AUTS2: variants seen among roughly 807,000 people sequenced by gnomAD.
AUTS2 encodes the protein activator of transcription and developmental regulator AUTS2, also known as autism susceptibility gene 2 protein.
AUTS2 carries 17 observed loss-of-function variants against 112.4 expected under a neutral mutation model. The observed-to-expected ratio is 0.15, with a 90% CI of 0.10 to 0.23. The LOEUF (loss-of-function observed/expected upper bound fraction) is 0.23. Ranked by LOEUF, AUTS2 falls within the 10% of genes least tolerant of loss-of-function variation. The pLI is 1.00. For synonymous variants in AUTS2, 751 were observed against 702.7 expected (o/e 1.07, Z -1.09); for missense variants, 1,510 against 1,701.6 (o/e 0.89, Z 1.98).
chr7:70,755,563 A>C (rs1789145340), intron 6 of AUTS2, among the ~76,000 whole-genome samples: 1 of 152,024 alleles, frequency 6.6e-6, no homozygotes, highest in South Asian at 2.1e-4. Flanking sequence ...GCTACTCGGA[A>C]GGTTGTCAGA....
At chr7:70,674,961 A>G (rs1475411108) in intron 5 of AUTS2, among the ~76,000 whole-genome samples, 1 of 152,198 alleles carries the variant, frequency 6.6e-6, no homozygotes, top group African/African-American at 2.4e-5. Flanking sequence ...TACAAGTGAC[A>G]TAGTAAGAGC....
intron 4 of AUTS2, among the ~76,000 whole-genome samples, chr7:70,176,366 C>T (rs1325468290): frequency 1.3e-5 from 2 of 152,172 alleles, no homozygotes; most frequent in Non-Finnish European, 2.9e-5. Context: ...GAATCAGGAG[C>T]AGGATGTCTG....
chr7:70,762,761 C>A, intron 6 of AUTS2, 109 bp from the exon 7 acceptor site: 1 of 836,194 alleles, frequency 1.2e-6, no homozygotes, highest in Non-Finnish European at 2.0e-6. Flanking sequence ...AGGGTTGGTG[C>A]CAGGTCCTGT....
chr7:69,715,530 A>G (rs949396382), intron 1 of AUTS2, among the ~76,000 whole-genome samples: 2 of 152,148 alleles, frequency 1.3e-5, no homozygotes, highest in African/African-American at 2.4e-5. Flanking sequence ...GGAGGATCAT[A>G]TGCTCAGTGA....
intron 2 of AUTS2, among the ~76,000 whole-genome samples, chr7:70,110,487 G>A (rs1805013871): frequency 6.6e-6 from 1 of 152,174 alleles, no homozygotes; most frequent in East Asian, 1.9e-4. Context: ...TTGGACTCCA[G>A]CTTGGGCACC....
At chr7:70,009,461 T>C (rs1250492505) in intron 2 of AUTS2, among the ~76,000 whole-genome samples, 4 of 152,178 alleles carry the variant, frequency 2.6e-5, no homozygotes, top group Non-Finnish European at 4.4e-5. Flanking sequence ...CAAATAATAT[T>C]GGTTAAAATA....
intron 5 of AUTS2, among the ~76,000 whole-genome samples, chr7:70,597,538 A>T (rs1334671584): frequency 1.8e-4 from 27 of 152,372 alleles, no homozygotes; most frequent in Non-Finnish European, 2.9e-4. Flanking sequence ...GTGAGTATGT[A>T]GGTGTGCAAT....
At chr7:70,178,418 G>T (rs868322438) in intron 4 of AUTS2, among the ~76,000 whole-genome samples, 4 of 152,044 alleles carry the variant, frequency 2.6e-5, no homozygotes, top group Admixed American at 6.5e-5. Context: ...AAATAACAAG[G>T]ATTTTTATGG....
chr7:70,009,440 C>T (rs1199214500), intron 2 of AUTS2, among the ~76,000 whole-genome samples: 3 of 152,074 alleles, frequency 2.0e-5, no homozygotes, highest in East Asian at 1.9e-4. Flanking sequence ...GTTGCAGCCC[C>T]GAAAAGACTA....
intron 4 of AUTS2, among the ~76,000 whole-genome samples, chr7:70,327,198 G>A (rs922457557): frequency 6.6e-6 from 1 of 152,170 alleles, no homozygotes; most frequent in Non-Finnish European, 1.5e-5. Context: ...GATTACAGGT[G>A]TAAGCCACCG....
At chr7:70,382,419 A>AAC (rs1035069987) in intron 4 of AUTS2, among the ~76,000 whole-genome samples, 17 of 151,578 alleles carry the variant, frequency 1.1e-4, no homozygotes, top group African/African-American at 2.9e-4. Context: ...CTTTTTCCCA[A>AAC]ACACACACAC....
rs201855499 is a variant in AUTS2 at position 69,808,512 on chromosome 7, T to TA, written c.310-90764dup. Reference sequence around the variant, plus strand: ...GTTTGTGGATGAGGTCACTTGGAAGTAAAAAAAAAATTTTTTTTCAGGTTT... The same window carrying TA: ...GTTTGTGGATGAGGTCACTTGGAAGTAAAAAAAAAAATTTTTTTTCAGGTTT... On this transcript the variant is annotated intron_variant, in intron 1 of 18. Transcript: ENST00000342771. Among the ~76,000 whole-genome samples the TA allele has an allele frequency of 1.3e-3, 204 of 151,260 alleles. 2 individuals carry two copies. Among genetic ancestry groups the TA allele is most frequent in the Admixed American group, 2.6e-4 (4 of 15,190 alleles).
chr7:70,459,136 C>G (rs1585170146), intron 5 of AUTS2, among the ~76,000 whole-genome samples: 1 of 152,268 alleles, frequency 6.6e-6, no homozygotes, highest in East Asian at 1.9e-4. Flanking sequence ...TATTCCTACC[C>G]TTAGTTGTTA....
At chr7:70,495,689 G>A (rs11763657) in intron 5 of AUTS2, among the ~76,000 whole-genome samples, 14,866 of 58,086 alleles carry the variant, frequency 0.26, 1,367 homozygotes, top group Middle Eastern at 0.36. Flanking sequence ...CACACACCAC[G>A]TACACAGTCA....
At chr7:70,698,140 A>T (rs1189857648) in intron 5 of AUTS2, among the ~76,000 whole-genome samples, 2 of 152,226 alleles carry the variant, frequency 1.3e-5, no homozygotes, top group Non-Finnish European at 2.9e-5. Context: ...TTAGTGAGGA[A>T]AAGCTTAGCA....
intron 1 of AUTS2, among the ~76,000 whole-genome samples, chr7:69,680,112 G>A (rs1433636452): frequency 6.6e-6 from 1 of 152,192 alleles, no homozygotes; most frequent in African/African-American, 2.4e-5. Flanking sequence ...GCACGTGTAT[G>A]TTATTCTTAT....
chr7:70,602,757 A>G (rs1803541367), intron 5 of AUTS2, among the ~76,000 whole-genome samples: 1 of 152,224 alleles, frequency 6.6e-6, no homozygotes, highest in African/African-American at 2.4e-5. Context: ...GCAATGCAGA[A>G]TTCAAAGAGT....
intron 1 of AUTS2, among the ~76,000 whole-genome samples, chr7:69,865,844 C>T (rs1223231245): frequency 2.6e-5 from 4 of 152,156 alleles, no homozygotes; most frequent in African/African-American, 9.7e-5. Context: ...CCATATCTCT[C>T]TTCCAGAAAT....
chr7:69,792,415 A>G (rs965390575), intron 1 of AUTS2, among the ~76,000 whole-genome samples: 2 of 151,734 alleles, frequency 1.3e-5, no homozygotes, highest in Non-Finnish European at 2.9e-5. Flanking sequence ...AATTTTTTGT[A>G]TTTTTAGTAG....
Sources: gnomAD v4.1 joint callset for allele counts (sites outside exome capture counted in the v4.1 genomes callset) on GRCh38, gnomAD v4.1.1 for gene constraint, MANE v1.5 for transcripts, NCBI Gene and HGNC (gene_info 2026-07-23, HGNC 2026-07-21) for gene names.